PLEKHA5: variants seen among roughly 807,000 people sequenced by gnomAD.
PLEKHA5 encodes the protein pleckstrin homology domain containing A5, also known as pleckstrin homology domain-containing family A member 5.
In PLEKHA5, 55 loss-of-function variants were observed where a neutral mutation model predicts 181.9. The ratio of observed to expected loss-of-function variants is 0.30; its 90% confidence interval spans 0.24 to 0.38. PLEKHA5 has a LOEUF of 0.38. Among genes scored for constraint, PLEKHA5 ranks in the 10% least tolerant of loss-of-function variants. PLEKHA5 has a pLI of 1.00. For synonymous variants in PLEKHA5, 535 were observed against 529.4 expected, an observed-to-expected ratio of 1.01 and a Z score of -0.15; for missense variants, 1,432 against 1,549.5, an observed-to-expected ratio of 0.92 and a Z score of 1.27.
intron 5 of PLEKHA5, among the ~76,000 whole-genome samples, chr12:19,255,965 T>C (rs992840861): frequency 2.7e-5 from 4 of 149,420 alleles, no homozygotes; most frequent in Non-Finnish European, 5.9e-5. Flanking sequence ...CAATATAAAA[T>C]AATGAGAAAT....
intron 12 of PLEKHA5, among the ~76,000 whole-genome samples, chr12:19,285,760 A>ACT (rs1187477288): frequency 1.3e-5 from 2 of 152,208 alleles, no homozygotes; most frequent in African/African-American, 4.8e-5. Context: ...AACAGTAGAA[A>ACT]ATAATTTTAT....
At chr12:19,363,212 G>A (rs2095315642) in intron 29 of PLEKHA5, among the ~76,000 whole-genome samples, 1 of 151,156 alleles carries the variant, frequency 6.6e-6, no homozygotes, top group Non-Finnish European at 1.5e-5. Context: ...TTGGTCCACT[G>A]CACTCGGTTC....
chr12:19,306,804 G>T, intron 15 of PLEKHA5: 1 of 836,646 alleles, frequency 1.2e-6, no homozygotes, highest in Non-Finnish European at 2.1e-6. Flanking sequence ...AGCAGTTGTC[G>T]CACCATGTCT....
In PLEKHA5 at chr12:19,274,966, TGAA is replaced by T. The variant is rs2074080806; in HGVS notation, c.1303_1305del (p.Glu435del). 4 of 1,607,884 alleles carry T rather than the reference TGAA, an allele frequency of 2.5e-6. No individual in the cohort carries two copies. The highest frequency in any genetic ancestry group is 3.4e-6 in the Non-Finnish European group (4 of 1,178,722). On this transcript the variant is annotated inframe_deletion, in exon 11 of 32. Coordinates refer to ENST00000429027, the MANE Select transcript of PLEKHA5 (RefSeq NM_001256470.2). ...TTAAAATCCAGAAGGGGAGGGGTCA[TGAA>T]GAAGAAACCAGGGGGTAAGTGTCTG...
At chr12:19,173,063 C>A (rs1014309067) in intron 3 of PLEKHA5, among the ~76,000 whole-genome samples, 2 of 124,474 alleles carry the variant, frequency 1.6e-5, no homozygotes, top group African/African-American at 6.2e-5. Context: ...GTCGCCCAGG[C>A]CGGACTGCGG....
intron 3 of PLEKHA5, among the ~76,000 whole-genome samples, chr12:19,232,165 A>G (rs1354031260): frequency 1.3e-5 from 2 of 152,200 alleles, no homozygotes; most frequent in African/African-American, 2.4e-5. Context: ...CCATGAGTAC[A>G]TACTTTCCAT....
intron 3 of PLEKHA5, among the ~76,000 whole-genome samples, chr12:19,220,877 C>G (rs1311555798): frequency 1.3e-5 from 2 of 152,048 alleles, no homozygotes; most frequent in Non-Finnish European, 2.9e-5. Flanking sequence ...TCAAAGAAAA[C>G]ACACAGATGG....
intron 21 of PLEKHA5, among the ~76,000 whole-genome samples, chr12:19,337,808 A>G (rs1283177718): frequency 6.6e-6 from 1 of 151,802 alleles, no homozygotes; most frequent in African/African-American, 2.4e-5. Flanking sequence ...AAAATTAGCC[A>G]GGATCACGAG....
rs986914443 is a variant in PLEKHA5, at chr12:19,361,524, T to C, written c.3484-58T>C. On this transcript the variant is annotated intron_variant, in intron 28 of 31. Transcript: ENST00000429027. ...CTTTATTTTGGAATTATTTTAGATA[T>C]GCTAATCTAATGTGATAAGAATTCT... 7 of 872,884 alleles carry C rather than the reference T, an allele frequency of 8.0e-6. No individual in the cohort carries two copies. The Admixed American group carries it at 1.3e-4, about 16-fold the overall frequency. The allele number at this position is 872,884 out of a possible 1,614,324, so 54.1% of individuals were successfully genotyped here.
intron 3 of PLEKHA5, among the ~76,000 whole-genome samples, chr12:19,160,192 A>G (rs370657017): frequency 1.3e-5 from 2 of 152,144 alleles, no homozygotes; most frequent in South Asian, 4.1e-4. Context: ...ATTTATTATG[A>G]CATGTAGTCA....
chr12:19,351,069 G>A (rs542911696), intron 25 of PLEKHA5, among the ~76,000 whole-genome samples: 1 of 149,370 alleles, frequency 6.7e-6, no homozygotes, highest in Admixed American at 6.8e-5. Context: ...CCAAGTAGCT[G>A]AGACTACACA....
intron 11 of PLEKHA5, 79 bp from the exon 12 acceptor site, chr12:19,283,179 ATGTATATTTTACTTACTGGAAC>A: frequency 1.8e-6 from 1 of 563,040 alleles, no homozygotes; most frequent in Non-Finnish European, 3.0e-6. Context: ...AAAAATTCTA[ATGTATATTTTACTTACTGGAAC>A]AAAAGAAATG....
At chr12:19,308,897 G>GCGCGCACACACACACACACACACACA in intron 15 of PLEKHA5, among the ~76,000 whole-genome samples, 1 of 147,176 alleles carries the variant, frequency 6.8e-6, no homozygotes, top group Non-Finnish European at 1.5e-5. Flanking sequence ...AAACACAAAC[G>GCGCGCACACACACACACACACACACA]CACACACACA....
intron 23 of PLEKHA5, 149 bp downstream of exon 23, chr12:19,346,037 A>G: frequency 2.1e-6 from 1 of 470,192 alleles, no homozygotes; most frequent in South Asian, 3.7e-5. Flanking sequence ...TTATTGGATC[A>G]GTAATTTGGT....
chr12:19,163,332 A>G (rs1474832854), intron 3 of PLEKHA5, among the ~76,000 whole-genome samples: 1 of 152,050 alleles, frequency 6.6e-6, no homozygotes, highest in Non-Finnish European at 1.5e-5. Context: ...GCCAGCCACA[A>G]CGCCTGGCTT....
chr12:19,174,549 G>A (rs986906799), intron 3 of PLEKHA5, among the ~76,000 whole-genome samples: 7 of 151,846 alleles, frequency 4.6e-5, no homozygotes, highest in Admixed American at 1.3e-4. Flanking sequence ...AAAACATTGC[G>A]AGCTCTTAGA....
chr12:19,310,979 C>T (rs1481101587), intron 15 of PLEKHA5, among the ~76,000 whole-genome samples: 2 of 152,094 alleles, frequency 1.3e-5, no homozygotes, highest in African/African-American at 4.8e-5. Context: ...GCTAACTGAT[C>T]AGGGTGGTGG....
chr12:19,133,845 A>G (rs1345926240), intron 3 of PLEKHA5, among the ~76,000 whole-genome samples: 7 of 152,036 alleles, frequency 4.6e-5, no homozygotes, highest in Admixed American at 4.6e-4. Context: ...GCAGTCATCA[A>G]ATGTTTTTCT....
At chr12:19,219,418 AATAT>A (rs1461701199) in intron 3 of PLEKHA5, among the ~76,000 whole-genome samples, 1 of 151,424 alleles carries the variant, frequency 6.6e-6, no homozygotes, top group African/African-American at 2.4e-5. Flanking sequence ...TTTGTGTTTG[AATAT>A]ATGTGTGTGT....
Sources: allele counts gnomAD v4.1 joint callset (sites outside exome capture counted in the v4.1 genomes callset), GRCh38; gene constraint gnomAD v4.1.1; transcripts MANE v1.5; gene names NCBI Gene and HGNC (gene_info 2026-07-23, HGNC 2026-07-21).